PCDHGB4: variants seen among roughly 807,000 people sequenced by gnomAD.
The protein encoded by PCDHGB4 is protocadherin gamma-B4.
A neutral mutation model predicts 60.5 loss-of-function variants in PCDHGB4; 38 were observed. The ratio of observed to expected loss-of-function variants is 0.63; its 90% confidence interval spans 0.48 to 0.82. PCDHGB4 has a LOEUF of 0.82. PCDHGB4 is among the 40% of genes least tolerant of loss of function. PCDHGB4 has a pLI of 0.00. For missense variants in PCDHGB4, 1,109 were observed against 1,209.6 expected, an observed-to-expected ratio of 0.92 and a Z score of 1.23; for synonymous variants, 456 against 509.7, an observed-to-expected ratio of 0.89 and a Z score of 1.42.
In PCDHGB4 at chr5:141,395,765, C is replaced by T. The variant is rs143173330; in HGVS notation, c.2397+5484C>T. The T allele has an allele frequency of 7.5e-4, 114 of 152,628 alleles. No homozygotes were observed. The Middle Eastern group carries it at 0.03, about 41-fold the overall frequency. 9.5% of individuals were successfully genotyped at this position (152,628 alleles called of 1,614,324 possible). Reference sequence around the variant, plus strand: ...TCTTTTCTGAGCCCTGTTTCTGTACCAGTGCCCTTCAAAACTTTAATACTT... The same window carrying T: ...TCTTTTCTGAGCCCTGTTTCTGTACTAGTGCCCTTCAAAACTTTAATACTT... On this transcript the variant is annotated intron_variant, in intron 1 of 3. Coordinates refer to ENST00000519479, the MANE Select transcript of PCDHGB4 (RefSeq NM_003736.4).
intron 2 of PCDHGB4, among the ~76,000 whole-genome samples, chr5:141,498,828 G>C (rs2099786098): frequency 6.6e-6 from 1 of 152,092 alleles, no homozygotes; most frequent in Non-Finnish European, 1.5e-5. Flanking sequence ...AGCTACTCAG[G>C]AGGCTGAGGC....
intron 1 of PCDHGB4, chr5:141,433,250 G>A: frequency 1.4e-6 from 2 of 1,440,892 alleles, no homozygotes; most frequent in Non-Finnish European, 1.9e-6. Flanking sequence ...CTGGAATGCA[G>A]CGGTACGATC....
At chr5:141,399,375 C>A (rs548275013) in intron 1 of PCDHGB4, 2 of 1,614,016 alleles carry the variant, frequency 1.2e-6, no homozygotes, top group Non-Finnish European at 1.7e-6. Context: ...AGTACAATGT[C>A]ACCATCACAG....
In PCDHGB4 at chr5:141,432,265, G is replaced by A. The variant is rs756993242; in HGVS notation, c.2397+41984G>A. On this transcript the variant is annotated intron_variant, in intron 1 of 3. Transcript: ENST00000519479. The surrounding 1 kb of genome is among the most constrained non-coding windows in gnomAD (Gnocchi z 6.0). ...ACACCATCCAAGGGGCAAGCCTATCGTCCTACGTGTCCATCAACTCCGACA... is the reference window on the plus strand; with the variant it reads ...ACACCATCCAAGGGGCAAGCCTATCATCCTACGTGTCCATCAACTCCGACA... 2.5e-6 allele frequency: 4 copies of A among 1,614,092 alleles called. No individual in the cohort carries two copies. The highest frequency in any genetic ancestry group is 1.7e-5 in the Admixed American group (1 of 60,004).
Position 141,432,083 on chromosome 5 carries a change from G to T in PCDHGB4, c.2397+41802G>T, listed in dbSNP as rs1221754474. On this transcript the variant is annotated intron_variant, in intron 1 of 3. Transcript: ENST00000519479. The surrounding 1 kb of genome is among the most constrained non-coding windows in gnomAD (Gnocchi z 6.0). ...CACGGAAACTCATATCTCGCTGAAC[G>T]TGGCAGACACCAACGACAACCCGCC... The T allele has an allele frequency of 1.9e-6, 3 of 1,614,040 alleles. No individual in the cohort carries two copies. The highest frequency in any genetic ancestry group is 2.7e-5 in the African/African-American group (2 of 74,910).
chr5:141,481,229 A>G (rs989963485), intron 1 of PCDHGB4, among the ~76,000 whole-genome samples: 5 of 152,212 alleles, frequency 3.3e-5, no homozygotes, highest in African/African-American at 4.8e-5. Context: ...TCCCAGCCTT[A>G]AAGTATTACA....
intron 1 of PCDHGB4, among the ~76,000 whole-genome samples, chr5:141,469,802 CATT>C (rs2099211643): frequency 6.6e-6 from 1 of 152,022 alleles, no homozygotes; most frequent in Admixed American, 6.6e-5. Context: ...ATTGCAAAAA[CATT>C]GTAGATAGAA....
intron 1 of PCDHGB4, among the ~76,000 whole-genome samples, chr5:141,481,443 C>T (rs971405190): frequency 1.3e-5 from 2 of 152,174 alleles, no homozygotes; most frequent in African/African-American, 4.8e-5. Flanking sequence ...CAGTTTAGTA[C>T]ATGTAAATAC....
chr5:141,473,017 A>AGAAG (rs1484773075), intron 1 of PCDHGB4, among the ~76,000 whole-genome samples: 3 of 151,764 alleles, frequency 2.0e-5, no homozygotes, highest in African/African-American at 4.8e-5. Flanking sequence ...AGAAAAAGAA[A>AGAAG]GAAGGAAGGA....
rs199507728 is a variant in PCDHGB4, at chr5:141,422,807, G to A, written c.2397+32526G>A. On this transcript the variant is annotated intron_variant, in intron 1 of 3. Coordinates refer to ENST00000519479, the MANE Select transcript of PCDHGB4 (RefSeq NM_003736.4). ...CAATCCTTCGACTATGAGCAGTTTC[G>A]AGACTTAGAACTGAGAGTGATAGCA... 1.9e-3 allele frequency: 3,146 copies of A among 1,614,198 alleles called. 36 individuals are homozygous for A. The highest frequency in any genetic ancestry group is 0.018 in the South Asian group (1,680 of 91,084).
At chr5:141,409,776 T>C in intron 1 of PCDHGB4, 1 of 1,612,708 alleles carries the variant, frequency 6.2e-7, no homozygotes, top group Non-Finnish European at 8.5e-7. Context: ...CACGAGCAGC[T>C]GCGCGCCTTC....
intron 1 of PCDHGB4, chr5:141,403,427 G>T: frequency 6.2e-7 from 1 of 1,614,026 alleles, no homozygotes; most frequent in Non-Finnish European, 8.5e-7. Context: ...AGAAGCTATT[G>T]ATCCGGATGT....
chr5:141,414,148 G>A, intron 1 of PCDHGB4: 1 of 1,598,900 alleles, frequency 6.3e-7, no homozygotes, highest in Non-Finnish European at 8.5e-7. Flanking sequence ...AGAAATACAA[G>A]CAGAAGATGG....
chr5:141,512,555 A>C lies in PCDHGB4; in HGVS notation c.*1382A>C, dbSNP rs1294402882. 2.6e-5 allele frequency: 4 copies of C among 152,986 alleles called. No individual in the cohort carries two copies. The highest frequency in any genetic ancestry group is 9.6e-5 in the African/African-American group (4 of 41,472). 9.5% of individuals were successfully genotyped at this position (152,986 alleles called of 1,614,324 possible). A position where few individuals can be genotyped will look rare whatever the true frequency, so the allele number is the denominator to read the frequency against. ...AGTTCCCCAGTGCCTCCTTGTGCAT[A>C]GACCTTCTTCTCCCACCCCCTTCTG... On this transcript the variant is annotated 3_prime_UTR_variant, in exon 4 of 4. Transcript: ENST00000519479.
chr5:141,389,911 G>A lies in PCDHGB4; in HGVS notation c.2027G>A (p.Arg676His). The change falls in exon 1 of 4, where the codon CGC (arginine) becomes CAC (histidine). Residue 676 changes from arginine to histidine, a missense_variant. Transcript: ENST00000519479. ...GAGGTGCTGCCGGATATCACTGACC[G>A]CCCCGACCCCTCTGACCTCCAGGCT... is the stretch of plus-strand genomic sequence containing the variant. ...LQEVLPDITDRPDPSDLQAEL... is the reference protein window; with the variant it reads ...LQEVLPDITDHPDPSDLQAEL... 1 of 1,614,066 alleles carries A rather than the reference G, an allele frequency of 6.2e-7. No homozygotes were observed. Among genetic ancestry groups the A allele is most frequent in the South Asian group, 1.1e-5 (1 of 91,084 alleles).
chr5:141,419,108 G>C (rs1449189374), intron 1 of PCDHGB4: 2 of 1,613,792 alleles, frequency 1.2e-6, no homozygotes, highest in African/African-American at 1.3e-5. Flanking sequence ...GCAGACCCCA[G>C]AGTACAACGT....
At chr5:141,444,644 G>T (rs1300191764) in intron 1 of PCDHGB4, among the ~76,000 whole-genome samples, 1 of 151,892 alleles carries the variant, frequency 6.6e-6, no homozygotes, top group Non-Finnish European at 1.5e-5. Flanking sequence ...ATTGAGGTAG[G>T]GGTTGAAGTT....
chr5:141,453,559 C>T (rs2098769120), intron 1 of PCDHGB4, among the ~76,000 whole-genome samples: 1 of 152,126 alleles, frequency 6.6e-6, no homozygotes, highest in Non-Finnish European at 1.5e-5. Context: ...TGTAGATAAT[C>T]GATTTCATTA....
intron 1 of PCDHGB4, chr5:141,395,178 G>A: frequency 6.2e-7 from 1 of 1,614,142 alleles, no homozygotes; most frequent in East Asian, 2.2e-5. Flanking sequence ...TGAGAAAAAT[G>A]ATTCTTTGTT....
Sources: gnomAD v4.1 joint callset for allele counts (sites outside exome capture counted in the v4.1 genomes callset) on GRCh38, gnomAD v4.1.1 for gene constraint, Gnocchi (gnomAD v3.1) non-coding constraint, MANE v1.5 for transcripts, NCBI Gene and HGNC (gene_info 2026-07-23, HGNC 2026-07-21) for gene names.